TNKS: variants seen among roughly 807,000 people sequenced by gnomAD.
The protein encoded by TNKS is poly [ADP-ribose] polymerase tankyrase-1.
A neutral mutation model predicts 135.8 loss-of-function variants in TNKS; 72 were observed. That is an observed-to-expected ratio of 0.53 (90% CI 0.44 to 0.64). The LOEUF (loss-of-function observed/expected upper bound fraction) is 0.64. TNKS is among the 30% of genes least tolerant of loss of function. The pLI is 0.00. For missense variants in TNKS, 1,769 were observed against 1,674.0 expected (o/e 1.06, Z -0.99); for synonymous variants, 849 against 649.3 (o/e 1.31, Z -4.68).
intron 3 of TNKS, among the ~76,000 whole-genome samples, chr8:9,661,023 C>A (rs1323882963): frequency 4.0e-5 from 6 of 150,790 alleles, no homozygotes; most frequent in Admixed American, 3.3e-4. Flanking sequence ...ATCCAACTTA[C>A]AAGGGACGTG....
At chr8:9,730,540 G>T (rs1805384009) in intron 13 of TNKS, among the ~76,000 whole-genome samples, 1 of 152,272 alleles carries the variant, frequency 6.6e-6, no homozygotes, top group South Asian at 2.1e-4. Flanking sequence ...GATACGCTAT[G>T]ACAAACAGTA....
At chr8:9,611,380 A>G (rs915929969) in intron 2 of TNKS, among the ~76,000 whole-genome samples, 1 of 152,178 alleles carries the variant, frequency 6.6e-6, no homozygotes, top group Non-Finnish European at 1.5e-5. Flanking sequence ...TTGTTGGTGT[A>G]TTTTGGGAAC....
At chr8:9,702,314 CACACACACACACAT>C (rs1803841904) in intron 5 of TNKS, among the ~76,000 whole-genome samples, 1 of 151,516 alleles carries the variant, frequency 6.6e-6, no homozygotes, top group African/African-American at 2.4e-5. Flanking sequence ...TGCGTGCACA[CACACACACACACAT>C]ACACACACGA....
At chr8:9,740,681 C>G (rs1805896729) in intron 17 of TNKS, among the ~76,000 whole-genome samples, 1 of 152,080 alleles carries the variant, frequency 6.6e-6, no homozygotes, top group African/African-American at 2.4e-5. Context: ...GATGAGTAGT[C>G]TTTTATTAAA....
At chr8:9,645,130 A>G (rs1800873644) in intron 3 of TNKS, among the ~76,000 whole-genome samples, 1 of 152,094 alleles carries the variant, frequency 6.6e-6, no homozygotes, top group African/African-American at 2.4e-5. Context: ...CACCTACCCC[A>G]TCTTAAGATC....
At chr8:9,708,131 CT>C (rs1346637500) in intron 8 of TNKS, among the ~76,000 whole-genome samples, 1 of 152,110 alleles carries the variant, frequency 6.6e-6, no homozygotes, top group Non-Finnish European at 1.5e-5. Context: ...CAATAAGTAT[CT>C]TTATAGGTGT....
At chr8:9,667,815 C>T (rs35543903) in intron 3 of TNKS, among the ~76,000 whole-genome samples, 34,848 of 147,736 alleles carry the variant, frequency 0.24, 4,491 homozygotes, top group Admixed American at 0.33. Flanking sequence ...TGATTAATAT[C>T]CTTTCTCATT....
chr8:9,599,456 C>A lies in TNKS; in HGVS notation c.899-16126C>A, dbSNP rs977644783. ...AGATTGGCAGTGGTGAAGTAACTTG[C>A]CCAAGGTCAGACAGTTACTAAGGAT... On this transcript the variant is annotated intron_variant, in intron 2 of 26. Coordinates refer to ENST00000310430, the MANE Select transcript of TNKS (RefSeq NM_003747.3). Among the ~76,000 whole-genome samples the A allele has an allele frequency of 2.0e-5, 3 of 152,266 alleles. No homozygotes were observed. In the South Asian group the frequency reaches 6.2e-4, roughly 32 times the overall value.
chr8:9,611,298 C>A (rs1226683378), intron 2 of TNKS, among the ~76,000 whole-genome samples: 1 of 152,068 alleles, frequency 6.6e-6, no homozygotes, highest in African/African-American at 2.4e-5. Flanking sequence ...GCCATAGTAC[C>A]CTTGAATTTA....
intron 5 of TNKS, chr8:9,681,274 TTTA>T (rs1427587964): frequency 1.3e-5 from 2 of 152,542 alleles, no homozygotes; most frequent in East Asian, 1.9e-4. Flanking sequence ...GCTCTGCTCT[TTTA>T]TTATTATTTG....
intron 3 of TNKS, among the ~76,000 whole-genome samples, chr8:9,669,139 C>A (rs1393841347): frequency 6.6e-6 from 1 of 151,996 alleles, no homozygotes; most frequent in Non-Finnish European, 1.5e-5. Context: ...GAAAAAAGGG[C>A]CGGGCGCGGT....
chr8:9,662,914 C>CTATGTTACCTT (rs1482346996), intron 3 of TNKS, among the ~76,000 whole-genome samples: 1 of 152,192 alleles, frequency 6.6e-6, no homozygotes, highest in Non-Finnish European at 1.5e-5. Flanking sequence ...GAACCTGTAA[C>CTATGTTACCTT]TATGTTACCT....
At chr8:9,606,196 G>C (rs564567474) in intron 2 of TNKS, among the ~76,000 whole-genome samples, 31 of 139,800 alleles carry the variant, frequency 2.2e-4, no homozygotes, top group African/African-American at 7.7e-4. Context: ...CGTTGTTTCA[G>C]CATGATTTGT....
At chr8:9,675,900 C>T (rs555653298) in intron 3 of TNKS, among the ~76,000 whole-genome samples, 5 of 151,622 alleles carry the variant, frequency 3.3e-5, no homozygotes, top group South Asian at 2.1e-4. Context: ...TGAGGTGACA[C>T]GGAGAAAGGG....
intron 11 of TNKS, among the ~76,000 whole-genome samples, chr8:9,714,547 A>C (rs1175174736): frequency 1.3e-5 from 2 of 152,198 alleles, no homozygotes; most frequent in Non-Finnish European, 2.9e-5. Context: ...AACTCCATAA[A>C]TATTGGCATG....
intron 5 of TNKS, among the ~76,000 whole-genome samples, chr8:9,702,043 A>G (rs553331184): frequency 1.9e-4 from 29 of 152,322 alleles, no homozygotes; most frequent in African/African-American, 7.0e-4. Flanking sequence ...TCAAAGGACA[A>G]TGCCTCAGTA....
intron 11 of TNKS, among the ~76,000 whole-genome samples, chr8:9,719,350 T>C (rs1054249313): frequency 1.2e-4 from 18 of 151,902 alleles, no homozygotes; most frequent in Admixed American, 1.1e-3. Context: ...TCAACCAGCA[T>C]ATAATTGAGA....
chr8:9,722,394 C>G (rs886919471), intron 12 of TNKS: 1 of 152,098 alleles, frequency 6.6e-6, no homozygotes, highest in Non-Finnish European at 1.5e-5. Flanking sequence ...TTTCCTCATG[C>G]TAGGTCATTC....
chr8:9,667,465 G>A (rs563891566), intron 3 of TNKS, among the ~76,000 whole-genome samples: 3 of 152,312 alleles, frequency 2.0e-5, no homozygotes, highest in South Asian at 2.1e-4. Flanking sequence ...TTTGGGAGTC[G>A]CCTATTCAGG....
Sources: gnomAD v4.1 joint callset for allele counts (sites outside exome capture counted in the v4.1 genomes callset) on GRCh38, gnomAD v4.1.1 for gene constraint, MANE v1.5 for transcripts, NCBI Gene and HGNC (gene_info 2026-07-23, HGNC 2026-07-21) for gene names.